The following GARNL3 variants were observed in gnomAD, a reference collection of about 807,000 sequenced individuals.
The protein encoded by GARNL3 is GTPase activating Rap/RanGAP domain like 3.
In GARNL3, 63 loss-of-function variants were observed where a neutral mutation model predicts 125.0. The ratio of observed to expected loss-of-function variants is 0.50; its 90% CI spans 0.41 to 0.62. GARNL3 has a LOEUF of 0.62. GARNL3 is among the 20% of genes least tolerant of loss of function. The pLI, the probability that GARNL3 is intolerant of heterozygous loss-of-function variation, is 0.00. For synonymous variants in GARNL3, 439 were observed against 457.5 expected (o/e 0.96, Z 0.52); for missense variants, 994 against 1,244.0 (o/e 0.80, Z 3.02).
intron 1 of GARNL3, among the ~76,000 whole-genome samples, chr9:127,273,679 T>C (rs1200283204): frequency 6.6e-6 from 1 of 152,154 alleles, no homozygotes; most frequent in Non-Finnish European, 1.5e-5. Context: ...ATCTTGGTGG[T>C]GTGTTGCTTG....
intron 1 of GARNL3, among the ~76,000 whole-genome samples, chr9:127,225,648 C>T (rs1405162560): frequency 6.6e-6 from 1 of 151,768 alleles, no homozygotes; most frequent in East Asian, 2.0e-4. Context: ...CCCGCACGCC[C>T]GCGGCTTCGG....
intron 17 of GARNL3, among the ~76,000 whole-genome samples, chr9:127,351,256 T>G (rs1486791786): frequency 6.6e-6 from 1 of 152,224 alleles, no homozygotes; most frequent in Non-Finnish European, 1.5e-5. Flanking sequence ...ACCAGGTTCC[T>G]TTCTGAAATT....
chr9:127,384,491 A>G lies in GARNL3; in HGVS notation c.2270-536A>G, dbSNP rs373283247. On this transcript the variant is annotated intron_variant, in intron 23 of 27. Coordinates refer to ENST00000373387, the MANE Select transcript of GARNL3 (RefSeq NM_032293.5). This position sits in a 1 kb window ranked among gnomAD's most constrained non-coding sequence, Gnocchi z 4.0. ...GGGGCCAGCCCTTAACAAATAACTC[A>G]GCAAACCCCTTGATGCCGAGGGACA... 6.6e-5 allele frequency among the ~76,000 whole-genome samples: 10 copies of G among 152,200 alleles called. No homozygotes were observed. The highest frequency in any genetic ancestry group is 2.4e-4 in the African/African-American group (10 of 41,458).
At chr9:127,374,655 A>G (rs895480342) in intron 22 of GARNL3, among the ~76,000 whole-genome samples, 1 of 152,228 alleles carries the variant, frequency 6.6e-6, no homozygotes, top group African/African-American at 2.4e-5. Context: ...ATGATAAGAA[A>G]ATAACCCAGT....
chr9:127,322,632 G>A (rs1395368149), intron 6 of GARNL3, among the ~76,000 whole-genome samples: 1 of 152,180 alleles, frequency 6.6e-6, no homozygotes, highest in African/African-American at 2.4e-5. Flanking sequence ...GCAGGGTGAA[G>A]GCTGTCATCA....
intron 1 of GARNL3, among the ~76,000 whole-genome samples, chr9:127,240,162 A>T (rs537089432): frequency 5.9e-4 from 90 of 152,320 alleles, no homozygotes; most frequent in Middle Eastern, 6.8e-3. Context: ...TTGCAGATAG[A>T]GAAAAGAATG....
chr9:127,259,547 G>A (rs562962686), upstream of GARNL3, among the ~76,000 whole-genome samples: 19 of 152,234 alleles, frequency 1.2e-4, no homozygotes, highest in Admixed American at 1.2e-3. Flanking sequence ...ACGCTTTTAG[G>A]GAGGAGATGT....
intron 2 of GARNL3, among the ~76,000 whole-genome samples, chr9:127,292,116 G>A (rs2064440297): frequency 1.3e-5 from 2 of 152,026 alleles, no homozygotes; most frequent in South Asian, 2.1e-4. Flanking sequence ...GCAAATTCTC[G>A]GTAAAGAGCT....
intron 1 of GARNL3, among the ~76,000 whole-genome samples, chr9:127,235,659 A>T (rs894808702): frequency 2.1e-4 from 32 of 151,860 alleles, no homozygotes; most frequent in Non-Finnish European, 2.4e-4. Context: ...TTGTTTTTTT[A>T]AAAAAACAAA....
At chr9:127,264,061 T>A, upstream of GARNL3, 1 of 989,756 alleles carries the variant, frequency 1.0e-6, no homozygotes, top group Non-Finnish European at 1.5e-6. Context: ...GTAAACATGT[T>A]ATTCCTATAT....
intron 1 of GARNL3, among the ~76,000 whole-genome samples, chr9:127,287,386 T>G (rs1298984483): frequency 6.7e-6 from 1 of 149,900 alleles, no homozygotes; most frequent in Non-Finnish European, 1.5e-5. Flanking sequence ...ATTGGCCAGA[T>G]CAAAGGTTTG....
At chr9:127,349,453 T>G (rs1830314122) in intron 17 of GARNL3, among the ~76,000 whole-genome samples, 1 of 152,010 alleles carries the variant, frequency 6.6e-6, no homozygotes, top group Non-Finnish European at 1.5e-5. Context: ...AGTACTGATG[T>G]CCAAAACAAA....
At position 127,339,698 on chromosome 9, in the gene GARNL3, C is replaced by T. The variant is rs148533156; in HGVS notation, c.1082C>T (p.Thr361Ile). 4.3e-6 allele frequency: 7 copies of T among 1,613,850 alleles called. No individual in the cohort carries two copies. In the African/African-American group the frequency reaches 9.3e-5, roughly 22 times the overall value. ...CCACTCTTTGGCCCTCCCTTGCCAA[C>T]TCCACCAGTGTTTACAGACCACCAG... ...SVPLFGPPLP[T>I]PPVFTDHQEF... is the part of the protein sequence containing the mutation. The change falls in exon 13 of 28, where the codon ACT becomes ATT. Residue 361 changes from threonine to isoleucine, a missense_variant. Thr to Ile is a moderately conservative substitution (Grantham distance 89). Coordinates refer to ENST00000373387, the MANE Select transcript of GARNL3 (RefSeq NM_032293.5).
At chr9:127,251,414 T>C (rs1413879728) in intron 2 of GARNL3, among the ~76,000 whole-genome samples, 1 of 152,248 alleles carries the variant, frequency 6.6e-6, no homozygotes, top group Non-Finnish European at 1.5e-5. Flanking sequence ...GTTTTGTTTT[T>C]TTCAGGAGAG....
intron 22 of GARNL3, among the ~76,000 whole-genome samples, chr9:127,382,354 A>G (rs1832309448): frequency 6.6e-6 from 1 of 152,082 alleles, no homozygotes; most frequent in Admixed American, 6.5e-5. Context: ...AAAGAAATGT[A>G]TGGCTAAAAC....
At chr9:127,378,587 C>CAAAAAAA (rs60768775) in intron 22 of GARNL3, among the ~76,000 whole-genome samples, 1 of 104,084 alleles carries the variant, frequency 9.6e-6, no homozygotes, top group Non-Finnish European at 2.0e-5. Flanking sequence ...AACTCCGTCA[C>CAAAAAAA]AAAAAAAAAA....
At chr9:127,241,923 A>G (rs1007610088) in intron 1 of GARNL3, among the ~76,000 whole-genome samples, 6 of 151,330 alleles carry the variant, frequency 4.0e-5, no homozygotes, top group Non-Finnish European at 7.4e-5. Context: ...GTGAGCCACT[A>G]TGCCCGGCCT....
chr9:127,381,362 C>T (rs1367333729), intron 22 of GARNL3, among the ~76,000 whole-genome samples: 1 of 151,820 alleles, frequency 6.6e-6, no homozygotes, highest in Non-Finnish European at 1.5e-5. Context: ...CTAATTATAT[C>T]ATTTTTTATT....
chr9:127,338,264 T>C, intron 12 of GARNL3, 103 bp downstream of exon 12: 1 of 923,894 alleles, frequency 1.1e-6, no homozygotes, highest in Non-Finnish European at 1.8e-6. Context: ...TTGATTGATT[T>C]AATATGAGTG....
Sources: allele counts gnomAD v4.1 joint callset (sites outside exome capture counted in the v4.1 genomes callset), GRCh38; gene constraint gnomAD v4.1.1; non-coding constraint Gnocchi (gnomAD v3.1); transcripts MANE v1.5; gene names NCBI Gene and HGNC (gene_info 2026-07-23, HGNC 2026-07-21).